COMMD1: variants seen among roughly 807,000 people sequenced by gnomAD.
The protein encoded by COMMD1 is COMM domain-containing protein 1.
In COMMD1, 10 loss-of-function variants were observed where a neutral mutation model predicts 17.2. That is an observed-to-expected ratio of 0.58 (90% CI 0.36 to 0.99). The LOEUF (loss-of-function observed/expected upper bound fraction) is 0.99, where lower values mean the gene tolerates loss of function less well. COMMD1 is among the 50% of genes least tolerant of loss of function. COMMD1 has a pLI of 0.01. For missense variants in COMMD1, 270 were observed against 231.8 expected, an observed-to-expected ratio of 1.17 and a Z score of -1.07; for synonymous variants, 97 against 91.6, an observed-to-expected ratio of 1.06 and a Z score of -0.34.
intron 1 of COMMD1, among the ~76,000 whole-genome samples, chr2:61,979,116 C>T (rs1000959544): frequency 2.0e-5 from 3 of 152,124 alleles, no homozygotes; most frequent in African/African-American, 4.8e-5. Flanking sequence ...CCCCACCTCC[C>T]ACTATCCTTC....
intron 1 of COMMD1, among the ~76,000 whole-genome samples, chr2:61,979,419 G>A (rs949966753): frequency 1.3e-5 from 2 of 152,148 alleles, no homozygotes; most frequent in African/African-American, 4.8e-5. Flanking sequence ...AGAGATTGCA[G>A]TGAGCCGAGA....
chr2:61,985,379 T>G (rs1476497226), intron 1 of COMMD1, among the ~76,000 whole-genome samples: 1 of 152,160 alleles, frequency 6.6e-6, no homozygotes, highest in East Asian at 1.9e-4. Context: ...TGAAGTGTGT[T>G]TCTTTTAGGC....
At chr2:61,984,903 CT>C (rs796922521) in intron 1 of COMMD1, among the ~76,000 whole-genome samples, 45 of 147,098 alleles carry the variant, frequency 3.1e-4, no homozygotes, top group Admixed American at 4.1e-4. Context: ...CATATAATGA[CT>C]TTTTTTTTTG....
intron 2 of COMMD1, among the ~76,000 whole-genome samples, chr2:62,024,256 A>G (rs1669694604): frequency 6.6e-6 from 1 of 151,914 alleles, no homozygotes; most frequent in Non-Finnish European, 1.5e-5. Flanking sequence ...TCCCTCTGTA[A>G]CTCATGCTGG....
At chr2:61,891,559 C>G (rs1399617430) in intron 1 of COMMD1, among the ~76,000 whole-genome samples, 2 of 151,990 alleles carry the variant, frequency 1.3e-5, no homozygotes, top group East Asian at 3.9e-4. Context: ...GAAATCCCAT[C>G]TCTACTAAAA....
chr2:62,016,592 G>GT (rs983666433), intron 2 of COMMD1, among the ~76,000 whole-genome samples: 7 of 150,294 alleles, frequency 4.7e-5, no homozygotes, highest in Admixed American at 3.3e-4. Context: ...AGTTGTAGGA[G>GT]TTTTTTTAAA....
intron 2 of COMMD1, among the ~76,000 whole-genome samples, chr2:62,042,630 G>T (rs1243475495): frequency 2.0e-5 from 3 of 152,198 alleles, no homozygotes; most frequent in Admixed American, 6.5e-5. Context: ...GCGAGCAGGG[G>T]GAGCCGGCTC....
At chr2:62,110,051 A>G (rs1401036122) in intron 2 of COMMD1, among the ~76,000 whole-genome samples, 1 of 149,422 alleles carries the variant, frequency 6.7e-6, no homozygotes, top group Non-Finnish European at 1.5e-5. Flanking sequence ...GAGCCACCAC[A>G]TCTAGCCCTA....
intron 1 of COMMD1, among the ~76,000 whole-genome samples, chr2:61,985,794 GT>G (rs1259417724): frequency 8.6e-5 from 13 of 151,830 alleles, no homozygotes; most frequent in Admixed American, 7.2e-4. Flanking sequence ...CTTTTTAACT[GT>G]TTTTTGTTTC....
chr2:62,054,904 T>A (rs150306479), intron 2 of COMMD1, among the ~76,000 whole-genome samples: 1 of 152,288 alleles, frequency 6.6e-6, no homozygotes, highest in South Asian at 2.1e-4. Flanking sequence ...ACAAACCCTA[T>A]TGTGAACTGT....
rs1330603900 is a variant in COMMD1, at chr2:62,097,352, T to C, written c.463-38479T>C. Among the ~76,000 whole-genome samples, 3 of 152,182 alleles carry C rather than the reference T, an allele frequency of 2.0e-5. No individual in the cohort carries two copies. In the East Asian group the frequency reaches 5.8e-4, roughly 29 times the overall value. Reference sequence around the variant, plus strand: ...CTATTGCCTTACGTTTGGCAGGGGTTTGGATTTACTTAGGGTTGGCTCTAT... The same window carrying C: ...CTATTGCCTTACGTTTGGCAGGGGTCTGGATTTACTTAGGGTTGGCTCTAT... On this transcript the variant is annotated intron_variant, in intron 2 of 2. Coordinates refer to ENST00000311832, the MANE Select transcript of COMMD1 (RefSeq NM_152516.4).
chr2:61,956,521 T>C (rs995569545), intron 1 of COMMD1, among the ~76,000 whole-genome samples: 5 of 151,908 alleles, frequency 3.3e-5, no homozygotes, highest in Admixed American at 2.6e-4. Context: ...GCAATTTTCC[T>C]GCCTCAGCCT....
At chr2:62,130,793 G>T (rs1202775851) in intron 2 of COMMD1, among the ~76,000 whole-genome samples, 1 of 152,162 alleles carries the variant, frequency 6.6e-6, no homozygotes, top group African/African-American at 2.4e-5. Flanking sequence ...TAGTTAAGGA[G>T]GTTTTTAAAA....
chr2:62,064,256 C>T (rs1670963292), intron 2 of COMMD1, among the ~76,000 whole-genome samples: 1 of 152,060 alleles, frequency 6.6e-6, no homozygotes, highest in Non-Finnish European at 1.5e-5. Flanking sequence ...TCACTGCAAC[C>T]TCCACCTCCT....
chr2:61,930,737 C>T (rs867466923), intron 1 of COMMD1, among the ~76,000 whole-genome samples: 5 of 150,576 alleles, frequency 3.3e-5, no homozygotes, highest in African/African-American at 1.2e-4. Context: ...GTTATGTCAC[C>T]TGGAATACTA....
intron 1 of COMMD1, among the ~76,000 whole-genome samples, chr2:61,907,657 G>C (rs1669806571): frequency 1.3e-5 from 2 of 151,960 alleles, no homozygotes. Context: ...AAAACAGCAG[G>C]ATACCCAGGG....
chr2:62,094,819 A>G (rs981945102), intron 2 of COMMD1, among the ~76,000 whole-genome samples: 1 of 152,264 alleles, frequency 6.6e-6, no homozygotes, highest in Non-Finnish European at 1.5e-5. Flanking sequence ...TGTAGTCTCA[A>G]TACAATTTCT....
intron 1 of COMMD1, among the ~76,000 whole-genome samples, chr2:61,893,648 T>C (rs1669487041): frequency 6.6e-6 from 1 of 152,068 alleles, no homozygotes; most frequent in African/African-American, 2.4e-5. Context: ...ACCCTGTCTC[T>C]ACTAAAAATA....
intron 2 of COMMD1, among the ~76,000 whole-genome samples, chr2:62,010,092 A>G (rs751095952): frequency 2.0e-5 from 3 of 152,170 alleles, no homozygotes; most frequent in Non-Finnish European, 4.4e-5. Flanking sequence ...CTGTACTGTT[A>G]ATACAGTACT....
Sources: gnomAD v4.1 joint callset for allele counts (sites outside exome capture counted in the v4.1 genomes callset) on GRCh38, gnomAD v4.1.1 for gene constraint, MANE v1.5 for transcripts, NCBI Gene and HGNC (gene_info 2026-07-23, HGNC 2026-07-21) for gene names.